Variants in STAC3 observed in about 807,000 individuals in gnomAD.
STAC3 encodes the protein SH3 and cysteine-rich domain-containing protein 3.
A neutral mutation model predicts 48.5 loss-of-function variants in STAC3; 30 were observed. The ratio of observed to expected loss-of-function variants is 0.62; its 90% CI spans 0.46 to 0.84. The LOEUF (loss-of-function observed/expected upper bound fraction) is 0.84, where lower values mean the gene tolerates loss of function less well. STAC3 is among the 40% of genes least tolerant of loss of function. The probability of loss-of-function intolerance (pLI) is 0.00; values close to 1 mark genes in which losing one functional copy is unlikely to be tolerated. For synonymous variants in STAC3, 144 were observed against 158.6 expected (o/e 0.91, Z 0.69); for missense variants, 419 against 462.6 (o/e 0.91, Z 0.86).
In STAC3 at chr12:57,249,063, A is replaced by C; in HGVS notation, c.312T>G (p.Asp104Glu). Residue 104 changes from aspartate to glutamate, a missense_variant, in exon 3 of 12, where the codon GAT (aspartate) becomes GAG (glutamate). Transcript: ENST00000332782. ...DHFFKKPKFC[D>E]VCARMIVLNN... ...CACGAACAATCATCCGGGCACAGAC[A>C]TCACAGAACTTTGGCTTCTTGAAGA... 6.2e-7 allele frequency: 1 copy of C among 1,601,348 alleles called. No individual in the cohort carries two copies.
intron 1 of STAC3, 81 bp from the exon 2 acceptor site, chr12:57,249,718 C>G: frequency 6.7e-7 from 1 of 1,481,736 alleles, no homozygotes; most frequent in Non-Finnish European, 9.3e-7. Context: ...TAGGGTGGTC[C>G]TCAAAGGGGA....
At position 57,244,420 on chromosome 12, in the gene STAC3, C is replaced by G. The variant is rs1033003445; in HGVS notation, c.807-54G>C. ...ACATAGCAGGTCCCCTGCTGTGCCCCGGGTCCAGCATCAATAGGCTCCAAG... is the reference window on the plus strand; with the variant it reads ...ACATAGCAGGTCCCCTGCTGTGCCCGGGGTCCAGCATCAATAGGCTCCAAG... On this transcript the variant is annotated intron_variant, in intron 9 of 11. Coordinates refer to ENST00000332782, the MANE Select transcript of STAC3 (RefSeq NM_145064.3). 5.6e-6 allele frequency: 9 copies of G among 1,612,246 alleles called. No homozygotes were observed. In the African/African-American group the frequency reaches 1.2e-4, roughly 22 times the overall value.
At chr12:57,248,994 C>T (rs1487724697) in intron 3 of STAC3, 47 bp downstream of exon 3, 2 of 1,562,196 alleles carry the variant, frequency 1.3e-6, no homozygotes, top group African/African-American at 2.7e-5. Context: ...TCTCCCCAAA[C>T]CTCTGCCTTC....
intron 6 of STAC3, 23 bp downstream of exon 6, chr12:57,246,781 T>C (rs2037751630): frequency 6.2e-7 from 1 of 1,604,666 alleles, no homozygotes; most frequent in Non-Finnish European, 8.5e-7. Context: ...GGGAGGGACC[T>C]CGTGGGGAGG....
rs1027548586 is a variant in STAC3 at position 57,249,205 on chromosome 12, C to A, written c.170G>T (p.Gly57Val). Reference protein sequence around the residue: ...QANGEAVGAGGGPIYYIYEEE... With the variant: ...QANGEAVGAGVGPIYYIYEEE... ...CTCATAGATGTAGTAGATGGGCCCA[C>A]CCCCAGCTCCCACTGCCTCCCCATT... Residue 57 changes from glycine to valine, a missense_variant, in exon 3 of 12, where the codon GGT becomes GTT. Coordinates refer to ENST00000332782, the MANE Select transcript of STAC3 (RefSeq NM_145064.3). 2.5e-6 allele frequency: 4 copies of A among 1,613,932 alleles called. No homozygotes were observed. The Admixed American group carries it at 5.0e-5, about 20-fold the overall frequency.
In STAC3 at chr12:57,244,261, G is replaced by T. The variant is rs199890998; in HGVS notation, c.859-36C>A. 1.3e-4 allele frequency: 214 copies of T among 1,614,174 alleles called. No homozygotes were observed. The African/African-American group carries it at 2.7e-3, about 20-fold the overall frequency. ...TAGTAGGGAGAGTCCATCTCTCAAT[G>T]TCGGGTTCTGGACTCAACCCACACT... On this transcript the variant is annotated intron_variant, in intron 10 of 11. Coordinates refer to ENST00000332782, the MANE Select transcript of STAC3 (RefSeq NM_145064.3).
At chr12:57,244,721 A>G (rs972068214) in intron 8 of STAC3, 99 bp from the exon 9 acceptor site, 1 of 1,469,088 alleles carries the variant, frequency 6.8e-7, no homozygotes, top group African/African-American at 1.4e-5. Context: ...TCTACACTCC[A>G]ACTCTCTTCT....
In STAC3 at chr12:57,247,440, T is replaced by A. The variant is rs868181231; in HGVS notation, c.506-539A>T. On this transcript the variant is annotated intron_variant, in intron 5 of 11. Transcript: ENST00000332782. ...TATTATTATTATTATTTTTTTTTTT[T>A]TTTTTTTTTTTGAGACGGAGTCTCG... Among the ~76,000 whole-genome samples the A allele has an allele frequency of 5.9e-3, 810 of 136,920 alleles. 11 individuals are homozygous for A. Among genetic ancestry groups the A allele is most frequent in the African/African-American group, 0.021 (770 of 36,346 alleles). 89.8% of individuals were successfully genotyped at this position (136,920 alleles called of 152,430 possible).
intron 5 of STAC3, among the ~76,000 whole-genome samples, chr12:57,247,557 T>C (rs7133915): frequency 0.35 from 52,402 of 150,058 alleles, 11,115 homozygotes; most frequent in Middle Eastern, 0.72. Flanking sequence ...CCTCAGCCTC[T>C]CCGAGTAGCT....
chr12:57,245,963 G>A (rs2037729761), intron 6 of STAC3, among the ~76,000 whole-genome samples: 1 of 151,802 alleles, frequency 6.6e-6, no homozygotes, highest in Non-Finnish European at 1.5e-5. Context: ...TACAAAATTA[G>A]CCAGGCATGG....
At chr12:57,246,783 G>C (rs369384602) in intron 6 of STAC3, 21 bp downstream of exon 6, 1 of 1,595,792 alleles carries the variant, frequency 6.3e-7, no homozygotes, top group Non-Finnish European at 8.6e-7. Context: ...GAGGGACCTC[G>C]TGGGGAGGTA....
Position 57,249,188 on chromosome 12 carries a change from T to G in STAC3, c.187A>C (p.Ile63Leu). Residue 63 changes from isoleucine to leucine, a missense_variant, in exon 3 of 12, where the codon ATC becomes CTC. Physicochemically the swap from Ile to Leu is conservative, Grantham distance 5. Coordinates refer to ENST00000332782, the MANE Select transcript of STAC3 (RefSeq NM_145064.3). ...VGAGGGPIYY[I>L]YEEEEEEEEE... ...TCTTCCTCTTCCTCTTCCTCATAGA[T>G]GTAGTAGATGGGCCCACCCCCAGCT... 6.2e-7 allele frequency: 1 copy of G among 1,614,018 alleles called. No individual in the cohort carries two copies. Among genetic ancestry groups the G allele is most frequent in the Non-Finnish European group, 8.5e-7 (1 of 1,180,000 alleles).
intron 1 of STAC3, among the ~76,000 whole-genome samples, chr12:57,250,389 CAAAAAAAAAAAAAAA>C (rs58777318): frequency 7.1e-5 from 3 of 42,406 alleles, no homozygotes; most frequent in East Asian, 1.5e-3. Flanking sequence ...GACTTCGTCT[CAAAAAAAAAAAAAAA>C]AAAAAAAAAA....
chr12:57,248,203 A>G lies in STAC3; in HGVS notation c.433-5T>C. ...GGCCCGATGGAAACCAGGTGGCTGTAGGATGGGATGAGAGGAAGCATTAGA... is the reference window on the plus strand; with the variant it reads ...GGCCCGATGGAAACCAGGTGGCTGTGGGATGGGATGAGAGGAAGCATTAGA... On this transcript the variant is annotated splice_region_variant and splice_polypyrimidine_tract_variant and intron_variant, in intron 4 of 11. Coordinates refer to ENST00000332782, the MANE Select transcript of STAC3 (RefSeq NM_145064.3). 6.2e-7 allele frequency: 1 copy of G among 1,612,984 alleles called. No homozygotes were observed. Among genetic ancestry groups the G allele is most frequent in the Non-Finnish European group, 8.5e-7 (1 of 1,178,930 alleles).
At position 57,245,044 on chromosome 12, in the gene STAC3, C is replaced by T. The variant is rs2037701400; in HGVS notation, c.671-79G>A. ...CTCTTACCCTTTTGTGGAAGGGCCT[C>T]GTCTATCCAAAGCTGGCCTGCCCTT... On this transcript the variant is annotated intron_variant, in intron 7 of 11. Coordinates refer to ENST00000332782, the MANE Select transcript of STAC3 (RefSeq NM_145064.3). 10 of 1,600,574 alleles carry T rather than the reference C, an allele frequency of 6.2e-6. No individual in the cohort carries two copies. The South Asian group carries it at 8.8e-5, about 14-fold the overall frequency.
At chr12:57,247,520 G>A (rs1016269999) in intron 5 of STAC3, among the ~76,000 whole-genome samples, 3 of 140,002 alleles carry the variant, frequency 2.1e-5, no homozygotes, top group East Asian at 2.2e-4. Context: ...TGCAAGCTCC[G>A]CCTCCCGGGT....
chr12:57,244,630 T>C lies in STAC3; in HGVS notation c.721-8A>G. ...GAAGCCAGGCTGCTTGTGCTGGGGG[T>C]GCAAGGGAATGATGAGTCTTAGGGC... On this transcript the variant is annotated splice_polypyrimidine_tract_variant and splice_region_variant and intron_variant, in intron 8 of 11. Coordinates refer to ENST00000332782, the MANE Select transcript of STAC3 (RefSeq NM_145064.3). 6.2e-7 allele frequency: 1 copy of C among 1,613,760 alleles called. No homozygotes were observed. Among genetic ancestry groups the C allele is most frequent in the South Asian group, 1.1e-5 (1 of 91,064 alleles).
Position 57,248,178 on chromosome 12 carries a change from G to C in STAC3, c.453C>G (p.Ala151=). Residue 151 remains alanine (A), a synonymous_variant, in exon 5 of 12, where the codon GCC becomes GCG. Coordinates refer to ENST00000332782, the MANE Select transcript of STAC3 (RefSeq NM_145064.3). The part of the protein sequence containing the change: ...FGKIPPGFHR[A]YSSPLYSNQQ... ...GGTTGCTGTAGAGTGGGGAACTATA[G>C]GCCCGATGGAAACCAGGTGGCTGTA... 10 of 1,614,078 alleles carry C rather than the reference G, an allele frequency of 6.2e-6. No individual in the cohort carries two copies. Among genetic ancestry groups the C allele is most frequent in the Non-Finnish European group, 8.5e-6 (10 of 1,179,948 alleles).
At chr12:57,244,826 A>C (rs1365634905) in intron 8 of STAC3, 90 bp downstream of exon 8, 1 of 1,511,942 alleles carries the variant, frequency 6.6e-7, no homozygotes, top group Non-Finnish European at 9.2e-7. Context: ...TAGGAGTTAA[A>C]GAGTGAGCTT....
Sources: allele counts gnomAD v4.1 joint callset (sites outside exome capture counted in the v4.1 genomes callset), GRCh38; gene constraint gnomAD v4.1.1; transcripts MANE v1.5; gene names NCBI Gene and HGNC (gene_info 2026-07-23, HGNC 2026-07-21).